Variants in TAFA1 observed in about 807,000 individuals in gnomAD.
TAFA1 encodes TAFA chemokine like family member 1.
In TAFA1, 4 loss-of-function variants were observed where a neutral mutation model predicts 18.5. That is an observed-to-expected ratio of 0.22 (90% CI 0.11 to 0.49). TAFA1 has a LOEUF of 0.49. Ranked by LOEUF, TAFA1 falls within the 20% of genes least tolerant of loss-of-function variation. The pLI is 0.98. For missense variants in TAFA1, 147 were observed against 169.0 expected (o/e 0.87, Z 0.72); for synonymous variants, 56 against 55.2 (o/e 1.01, Z -0.06).
intron 2 of TAFA1, among the ~76,000 whole-genome samples, chr3:68,065,689 G>A (rs141635987): frequency 6.6e-4 from 100 of 150,548 alleles, no homozygotes; most frequent in African/African-American, 2.2e-3. Flanking sequence ...ATATAGAGAC[G>A]ACATATACAT....
At chr3:68,082,183 G>A (rs539801091) in intron 2 of TAFA1, among the ~76,000 whole-genome samples, 33 of 143,526 alleles carry the variant, frequency 2.3e-4, no homozygotes, top group Admixed American at 1.7e-3. Context: ...CGCGCATGGT[G>A]TGCGCACCCA....
intron 2 of TAFA1, among the ~76,000 whole-genome samples, chr3:68,352,763 C>G (rs2069292179): frequency 6.6e-6 from 1 of 152,026 alleles, no homozygotes; most frequent in Non-Finnish European, 1.5e-5. Flanking sequence ...GCATGGAAGG[C>G]TGTTGTCCCA....
chr3:68,175,692 A>G (rs1234788971), intron 2 of TAFA1, among the ~76,000 whole-genome samples: 2 of 152,170 alleles, frequency 1.3e-5, no homozygotes, highest in African/African-American at 4.8e-5. Flanking sequence ...GGTGGAAGGG[A>G]ATTGCCTTGT....
At chr3:68,147,009 GTA>G (rs1325728853) in intron 2 of TAFA1, among the ~76,000 whole-genome samples, 72 of 148,078 alleles carry the variant, frequency 4.9e-4, no homozygotes, top group East Asian at 2.8e-3. Flanking sequence ...TCTTGTGTGT[GTA>G]TATATATATG....
At chr3:68,469,576 G>A (rs1273613695) in intron 3 of TAFA1, among the ~76,000 whole-genome samples, 1 of 152,162 alleles carries the variant, frequency 6.6e-6, no homozygotes, top group African/African-American at 2.4e-5. Flanking sequence ...AGGAGGCTGA[G>A]GCAGGAGAAT....
At chr3:68,338,586 A>G (rs2069017695) in intron 2 of TAFA1, among the ~76,000 whole-genome samples, 2 of 152,166 alleles carry the variant, frequency 1.3e-5, no homozygotes, top group African/African-American at 4.8e-5. Context: ...ACTTGTGAAT[A>G]TTGTTGTCCT....
intron 2 of TAFA1, among the ~76,000 whole-genome samples, chr3:68,074,940 G>C (rs2106757462): frequency 6.6e-6 from 1 of 152,276 alleles, no homozygotes; most frequent in South Asian, 2.1e-4. Context: ...TGTTTCTGTT[G>C]TAAAGAGTAG....
chr3:68,194,491 T>A (rs1444756942), intron 2 of TAFA1, among the ~76,000 whole-genome samples: 1 of 151,728 alleles, frequency 6.6e-6, no homozygotes, highest in Non-Finnish European at 1.5e-5. Flanking sequence ...TGATTCAACA[T>A]CAATTGCTAT....
intron 2 of TAFA1, among the ~76,000 whole-genome samples, chr3:68,225,492 C>T (rs78176890): frequency 0.043 from 6,545 of 152,232 alleles, 204 homozygotes; most frequent in East Asian, 0.15. Context: ...GGCCAGCTGG[C>T]AACCTTGGAG....
intron 4 of TAFA1, among the ~76,000 whole-genome samples, chr3:68,539,632 A>G (rs1389505050): frequency 7.7e-6 from 1 of 129,968 alleles, no homozygotes; most frequent in East Asian, 2.4e-4. Flanking sequence ...TCAATTGAGT[A>G]TCAGCCCTGT....
At chr3:68,263,925 A>G (rs1345152363) in intron 2 of TAFA1, among the ~76,000 whole-genome samples, 1 of 152,198 alleles carries the variant, frequency 6.6e-6, no homozygotes, top group Non-Finnish European at 1.5e-5. Flanking sequence ...TCTATTTACA[A>G]ATGAGAATGA....
chr3:68,051,595 A>T (rs2064472187), intron 2 of TAFA1, among the ~76,000 whole-genome samples: 1 of 152,110 alleles, frequency 6.6e-6, no homozygotes, highest in South Asian at 2.1e-4. Context: ...GCTCGAAATG[A>T]CATTAGTTTT....
intron 2 of TAFA1, among the ~76,000 whole-genome samples, chr3:68,097,597 G>C (rs1037960068): frequency 3.3e-5 from 5 of 152,184 alleles, no homozygotes; most frequent in Non-Finnish European, 7.3e-5. Context: ...TAAGATATGA[G>C]AGGAAGGAAG....
At chr3:68,165,091 G>C (rs2065968574) in intron 2 of TAFA1, among the ~76,000 whole-genome samples, 2 of 152,192 alleles carry the variant, frequency 1.3e-5, no homozygotes, top group Non-Finnish European at 2.9e-5. Context: ...ACCCAAAAGA[G>C]AATCTGAAAA....
At chr3:68,084,163 A>T (rs945357809) in intron 2 of TAFA1, among the ~76,000 whole-genome samples, 1 of 152,174 alleles carries the variant, frequency 6.6e-6, no homozygotes, top group African/African-American at 2.4e-5. Context: ...ATCCCTAAGT[A>T]AGGACTATGA....
At position 68,521,856 on chromosome 3, in the gene TAFA1, G is replaced by GTTTT. The variant is rs57372768; in HGVS notation, c.260-16883_260-16880dup. ...TCTGGGTTTTTCTGTGTTTTTTTCT[G>GTTTT]TTTTTTTTTTTTTTTTTTTTGGAGA... On this transcript the variant is annotated intron_variant, in intron 3 of 4. Coordinates refer to ENST00000478136, the MANE Select transcript of TAFA1 (RefSeq NM_213609.4). Among the ~76,000 whole-genome samples, 125 of 70,844 alleles carry GTTTT rather than the reference G, an allele frequency of 1.8e-3. 14 individuals carry two copies. The highest frequency in any genetic ancestry group is 2.7e-3 in the Non-Finnish European group (111 of 41,216). 46.5% of individuals were successfully genotyped at this position (70,844 alleles called of 152,430 possible). A position where few individuals can be genotyped will look rare whatever the true frequency, so the allele number is the denominator to read the frequency against.
chr3:68,529,576 A>G (rs1247101037), intron 3 of TAFA1, among the ~76,000 whole-genome samples: 1 of 152,128 alleles, frequency 6.6e-6, no homozygotes, highest in East Asian at 1.9e-4. Context: ...TTATAAATAA[A>G]AAATATTTAT....
At chr3:68,249,773 G>GA (rs2067158000) in intron 2 of TAFA1, among the ~76,000 whole-genome samples, 1 of 152,120 alleles carries the variant, frequency 6.6e-6, no homozygotes, top group Non-Finnish European at 1.5e-5. Flanking sequence ...ATTAAATTAA[G>GA]GCTGCTAAAA....
intron 3 of TAFA1, among the ~76,000 whole-genome samples, chr3:68,449,779 T>G (rs1337607341): frequency 2.6e-5 from 4 of 152,322 alleles, no homozygotes; most frequent in African/African-American, 9.6e-5. Context: ...AAGCACATTT[T>G]TCTTATGGTG....
Sources: allele counts gnomAD v4.1 joint callset (sites outside exome capture counted in the v4.1 genomes callset), GRCh38; gene constraint gnomAD v4.1.1; transcripts MANE v1.5; gene names NCBI Gene and HGNC (gene_info 2026-07-23, HGNC 2026-07-21).